The following OSER1 variants were observed in gnomAD, a reference collection of about 807,000 sequenced individuals.
OSER1 encodes oxidative stress-responsive serine-rich protein 1.
A neutral mutation model predicts 26.3 loss-of-function variants in OSER1; 15 were observed. That is an observed-to-expected ratio of 0.57 (90% CI 0.38 to 0.88). The LOEUF is 0.88. Among genes scored for constraint, OSER1 ranks in the 40% least tolerant of loss-of-function variants. The pLI, the probability that OSER1 is intolerant of heterozygous loss-of-function variation, is 0.00. For missense variants in OSER1, 313 were observed against 353.9 expected (o/e 0.88, Z 0.93); for synonymous variants, 127 against 128.2 (o/e 0.99, Z 0.07).
rs1407195520 is a variant in OSER1, at chr20:44,203,037, C to T, written c.115G>A (p.Val39Ile). 1 of 1,612,918 alleles carries T rather than the reference C, an allele frequency of 6.2e-7. No homozygotes were observed. The highest frequency in any genetic ancestry group is 8.5e-7 in the Non-Finnish European group (1 of 1,178,938). ...GTTGCTGTTCTGACTGGTGCTCTGA[C>T]ACCTGTGCCTTCTCCAACAGACAGA... ...ASLSVGEGTG[V>I]RAPVRTATDD... Residue 39 changes from valine to isoleucine, a missense_variant, in exon 3 of 4, where the codon GTC (valine) becomes ATC (isoleucine). Val to Ile is a conservative substitution (Grantham distance 29). Coordinates refer to ENST00000255174, the MANE Select transcript of OSER1 (RefSeq NM_016470.8).
intron 3 of OSER1, among the ~76,000 whole-genome samples, chr20:44,199,169 TC>T (rs1424138844): frequency 6.6e-6 from 1 of 152,192 alleles, no homozygotes; most frequent in Non-Finnish European, 1.5e-5. Flanking sequence ...ACCCAAAAGT[TC>T]ATGTGTTGTC....
In OSER1 at chr20:44,209,335, T is replaced by C. The variant is rs546183963; in HGVS notation, c.-42+1361A>G. Among the ~76,000 whole-genome samples, 3 of 152,344 alleles carry C rather than the reference T, an allele frequency of 2.0e-5. No homozygotes were observed. The East Asian group carries it at 5.8e-4, about 29-fold the overall frequency. On this transcript the variant is annotated intron_variant, in intron 1 of 3. Coordinates refer to ENST00000255174, the MANE Select transcript of OSER1 (RefSeq NM_016470.8). ...TTTACTACTCACTTTTTTTCTCAGT[T>C]ATTTTAGCCAAGAGCAAATGAGCGT...
At chr20:44,205,950 A>AG (rs2073033915) in intron 2 of OSER1, among the ~76,000 whole-genome samples, 2 of 151,272 alleles carry the variant, frequency 1.3e-5, no homozygotes, top group Admixed American at 6.6e-5. Flanking sequence ...AAAAAAAAAA[A>AG]AAAAAAAAAA....
chr20:44,210,146 G>A (rs566755688), intron 1 of OSER1: 1 of 152,608 alleles, frequency 6.6e-6, no homozygotes, highest in East Asian at 1.9e-4. Context: ...AGAACCCAGA[G>A]GGGTAGGACG....
intron 1 of OSER1, among the ~76,000 whole-genome samples, chr20:44,208,916 T>C (rs1430182145): frequency 6.6e-6 from 1 of 152,232 alleles, no homozygotes; most frequent in Non-Finnish European, 1.5e-5. Context: ...CATTTAAGTA[T>C]ACACTGCTGA....
rs1434442431 is a variant in OSER1, at chr20:44,203,039, C to A, written c.113G>T (p.Gly38Val). Reference protein sequence around the residue: ...VASLSVGEGTGVRAPVRTATD... With the variant: ...VASLSVGEGTVVRAPVRTATD... ...TGCTGTTCTGACTGGTGCTCTGACACCTGTGCCTTCTCCAACAGACAGAGA... is the reference window on the plus strand; with the variant it reads ...TGCTGTTCTGACTGGTGCTCTGACAACTGTGCCTTCTCCAACAGACAGAGA... The change falls in exon 3 of 4, where the codon GGT (glycine) becomes GTT (valine). Residue 38 changes from glycine (G) to valine (V), a missense_variant. Physicochemically the swap from Gly to Val is moderately radical, Grantham distance 109. Around this residue, in one of 2 missense-constraint regions of OSER1, gnomAD observed 300 missense variants for 318.3 expected, o/e 0.94. Transcript: ENST00000255174. 4.3e-6 allele frequency: 7 copies of A among 1,612,482 alleles called. No individual in the cohort carries two copies. In the East Asian group the frequency reaches 1.6e-4, roughly 36 times the overall value.
chr20:44,201,260 A>G (rs575242178), intron 3 of OSER1, among the ~76,000 whole-genome samples: 2 of 152,218 alleles, frequency 1.3e-5, no homozygotes, highest in Admixed American at 1.3e-4. Context: ...GTATGCAAAC[A>G]CTATACCATT....
chr20:44,197,013 C>A lies in OSER1; in HGVS notation c.*39G>T, dbSNP rs1206944382. On this transcript the variant is annotated 3_prime_UTR_variant, in exon 4 of 4. Coordinates refer to ENST00000255174, the MANE Select transcript of OSER1 (RefSeq NM_016470.8). ...CCATTAACTAAATCTCTTTGACAAG[C>A]CTTCATTGGTTTAAAGCATATGAAT... is the stretch of plus-strand genomic sequence containing the variant. 1.4e-6 allele frequency: 2 copies of A among 1,416,440 alleles called. No homozygotes were observed. The highest frequency in any genetic ancestry group is 2.3e-5 in the East Asian group (1 of 43,430). The allele number at this position is 1,416,440 out of a possible 1,614,324, so 87.7% of individuals were successfully genotyped here.
chr20:44,210,472 G>T (rs1156367864), intron 1 of OSER1, among the ~76,000 whole-genome samples: 1 of 152,200 alleles, frequency 6.6e-6, no homozygotes, highest in Non-Finnish European at 1.5e-5. Flanking sequence ...GCGGGAGGAC[G>T]GGAAGGCGGG....
At chr20:44,207,531 G>A (rs2073050015) in intron 1 of OSER1, 1 of 152,276 alleles carries the variant, frequency 6.6e-6, no homozygotes, top group African/African-American at 2.4e-5. Context: ...CACTGTGAAA[G>A]CAGAATTAGA....
In OSER1 at chr20:44,197,584, T is replaced by C. The variant is rs1242820682; in HGVS notation, c.347A>G (p.Asp116Gly). 1.9e-6 allele frequency: 3 copies of C among 1,614,192 alleles called. No individual in the cohort carries two copies. Among genetic ancestry groups the C allele is most frequent in the Non-Finnish European group, 2.5e-6 (3 of 1,180,028 alleles). ...TGAAATTCCCAGCCCACTGCTGCCA[T>C]CAGGTGAGTCAGTCTGGCTTTTGTG... ...LKHKSQTDSP[D>G]GSSGLGISSP... The change falls in exon 4 of 4, where the codon GAT becomes GGT. Residue 116 changes from aspartate (D) to glycine (G), a missense_variant. Asp to Gly is a moderately conservative substitution (Grantham distance 94). This residue lies in a region of OSER1 where 300 missense variants were observed against 318.3 expected (regional missense o/e 0.94). Transcript: ENST00000255174.
intron 3 of OSER1, among the ~76,000 whole-genome samples, chr20:44,201,251 T>TA (rs914850365): frequency 6.6e-6 from 1 of 152,216 alleles, no homozygotes; most frequent in African/African-American, 2.4e-5. Context: ...GCATAGGTTG[T>TA]ATGCAAACAC....
chr20:44,209,592 TA>T (rs1209573990), intron 1 of OSER1, among the ~76,000 whole-genome samples: 1 of 147,078 alleles, frequency 6.8e-6, no homozygotes, highest in African/African-American at 2.7e-5. Context: ...GATGAAACTT[TA>T]AAAAGCCTAT....
intron 3 of OSER1, among the ~76,000 whole-genome samples, chr20:44,202,244 C>T (rs1422701932): frequency 1.3e-5 from 2 of 151,988 alleles, no homozygotes; most frequent in African/African-American, 2.4e-5. Context: ...GGCATGGTGG[C>T]GGGCACCTGC....
At chr20:44,197,973 T>A (rs540271976) in intron 3 of OSER1, among the ~76,000 whole-genome samples, 31 of 152,314 alleles carry the variant, frequency 2.0e-4, no homozygotes, top group African/African-American at 7.0e-4. Context: ...TGGTATTTTT[T>A]AACTGAATCA....
chr20:44,196,197 TTC>T lies in OSER1; in HGVS notation c.*853_*854del, dbSNP rs1275361041. On this transcript the variant is annotated 3_prime_UTR_variant, in exon 4 of 4. Coordinates refer to ENST00000255174, the MANE Select transcript of OSER1 (RefSeq NM_016470.8). ...TCTGTGGGATACAGAATGTACAAAATTCTCTTTTAGGGTTGCTGGGGTGACAG... is the reference window on the plus strand; with the variant it reads ...TCTGTGGGATACAGAATGTACAAAATTCTTTTAGGGTTGCTGGGGTGACAG... Among the ~76,000 whole-genome samples the T allele has an allele frequency of 6.6e-6, 1 of 151,534 alleles. No individual in the cohort carries two copies. Among genetic ancestry groups the T allele is most frequent in the African/African-American group, 2.4e-5 (1 of 41,162 alleles).
At chr20:44,201,493 GA>G (rs967589885) in intron 3 of OSER1, among the ~76,000 whole-genome samples, 59 of 152,182 alleles carry the variant, frequency 3.9e-4, no homozygotes, top group African/African-American at 1.3e-3. Context: ...ACTACTTTAG[GA>G]AAAAAGTAAG....
At chr20:44,203,101 T>TGTAA in intron 2 of OSER1, 27 bp from the exon 3 acceptor site, 1 of 1,185,412 alleles carries the variant, frequency 8.4e-7, no homozygotes, top group Non-Finnish European at 1.3e-6. Flanking sequence ...AGTTTACAGC[T>TGTAA]ACAAAAAACT....
chr20:44,201,538 G>T (rs2072982481), intron 3 of OSER1, among the ~76,000 whole-genome samples: 1 of 152,154 alleles, frequency 6.6e-6, no homozygotes, highest in Admixed American at 6.5e-5. Flanking sequence ...GTGAAAGCAT[G>T]GTGAGGAAAG....
Sources: allele counts gnomAD v4.1 joint callset (sites outside exome capture counted in the v4.1 genomes callset), GRCh38; gene constraint gnomAD v4.1.1; regional missense constraint gnomAD v4.1.1; transcripts MANE v1.5; gene names NCBI Gene and HGNC (gene_info 2026-07-23, HGNC 2026-07-21).